HTR2C: variants seen among roughly 807,000 people sequenced by gnomAD.
HTR2C encodes 5-hydroxytryptamine (serotonin) receptor 2C, G protein-coupled.
In HTR2C, 5 loss-of-function variants were observed where a neutral mutation model predicts 21.0. The observed-to-expected ratio is 0.24, with a 90% CI of 0.12 to 0.50. The LOEUF is 0.50. HTR2C is among the 20% of genes least tolerant of loss of function. The pLI is 0.98. For missense variants in HTR2C, 271 were observed against 371.2 expected (o/e 0.73, Z 2.22); for synonymous variants, 150 against 145.3 (o/e 1.03, Z -0.23).
rs782399905 is a variant in HTR2C at position 114,815,953 on chromosome X, G to A, written c.350-32050G>A. Among the ~76,000 whole-genome samples, 93 of 109,881 alleles carry A rather than the reference G, an allele frequency of 8.5e-4. 1 individual carries two copies. Among genetic ancestry groups the A allele is most frequent in the Admixed American group, 2.9e-3 (29 of 10,116 alleles). On this transcript the variant is annotated intron_variant, in intron 4 of 5. Coordinates refer to ENST00000276198, the MANE Select transcript of HTR2C (RefSeq NM_000868.4). ...CATTACTGATCTCCTTGACATTTTC[G>A]ACAAATCTCTTGCTTCCTCCAAACT...
At chrX:114,654,305 CAT>C (rs1196854244) in intron 2 of HTR2C, among the ~76,000 whole-genome samples, 1 of 106,588 alleles carries the variant, frequency 9.4e-6, no homozygotes, top group Non-Finnish European at 1.9e-5. Flanking sequence ...ATATATATAA[CAT>C]ATATATCATA....
In HTR2C at chrX:114,820,179, T is replaced by A. The variant is rs184234524; in HGVS notation, c.350-27824T>A. Among the ~76,000 whole-genome samples, 563 of 109,815 alleles carry A rather than the reference T, an allele frequency of 5.1e-3. 3 individuals are homozygous for A. Among genetic ancestry groups the A allele is most frequent in the Middle Eastern group, 0.019 (4 of 211 alleles). The stretch of plus-strand genomic sequence containing the variant: ...GGCATAGGATTTTATTTTTAAATTT[T>A]AAAATTTTTAACTTTGTTTTCTTTG... On this transcript the variant is annotated intron_variant, in intron 4 of 5. Coordinates refer to ENST00000276198, the MANE Select transcript of HTR2C (RefSeq NM_000868.4).
At chrX:114,739,455 C>G (rs1285598033) in intron 4 of HTR2C, among the ~76,000 whole-genome samples, 3 of 111,491 alleles carry the variant, frequency 2.7e-5, no homozygotes. Context: ...ATGGAAAGGT[C>G]TATAGAATTA....
At chrX:114,707,280 G>A (rs191515069) in intron 2 of HTR2C, among the ~76,000 whole-genome samples, 2 of 111,207 alleles carry the variant, frequency 1.8e-5, no homozygotes, top group Admixed American at 1.9e-4. Context: ...ATCAGGCTGG[G>A]CATGGTGACA....
Position 114,792,838 on chromosome X carries a change from C to T in HTR2C, c.350-55165C>T, listed in dbSNP as rs782357408. 1.7e-4 allele frequency among the ~76,000 whole-genome samples: 19 copies of T among 111,578 alleles called. No individual in the cohort carries two copies. In the South Asian group the frequency reaches 5.2e-3, roughly 30 times the overall value. On this transcript the variant is annotated intron_variant, in intron 4 of 5. Coordinates refer to ENST00000276198, the MANE Select transcript of HTR2C (RefSeq NM_000868.4). Reference sequence around the variant, plus strand: ...ACTGGTGTGAGATGGTATCTCATTGCGGTTTTGATTTGCATTCCTCTAATG... The same window carrying T: ...ACTGGTGTGAGATGGTATCTCATTGTGGTTTTGATTTGCATTCCTCTAATG...
chrX:114,725,285 C>A (rs1175739440), intron 2 of HTR2C, among the ~76,000 whole-genome samples: 1 of 111,574 alleles, frequency 9.0e-6, no homozygotes, highest in Non-Finnish European at 1.9e-5. Context: ...ATCACTGATA[C>A]CCTTTCTTCC....
intron 5 of HTR2C, among the ~76,000 whole-genome samples, chrX:114,853,212 T>C (rs2070933573): frequency 8.9e-6 from 1 of 111,838 alleles, no homozygotes; most frequent in Non-Finnish European, 1.9e-5. Context: ...AAGTGTCCTT[T>C]TGCTCATTTT....
chrX:114,793,562 C>T (rs988721234), intron 4 of HTR2C, among the ~76,000 whole-genome samples: 3 of 111,522 alleles, frequency 2.7e-5, no homozygotes, highest in Non-Finnish European at 5.7e-5. Flanking sequence ...TTATCCTATT[C>T]CCACCCTCCT....
intron 5 of HTR2C, among the ~76,000 whole-genome samples, chrX:114,872,566 T>A (rs1556476877): frequency 9.0e-6 from 1 of 110,596 alleles, no homozygotes; most frequent in African/African-American, 3.3e-5. Context: ...ACTCATTAAT[T>A]ATTTTGAATT....
chrX:114,819,655 C>T (rs1202769667), intron 4 of HTR2C, among the ~76,000 whole-genome samples: 1 of 112,712 alleles, frequency 8.9e-6, no homozygotes, highest in East Asian at 2.8e-4. Context: ...CGTAAGCCAG[C>T]CAGAACCAGT....
intron 1 of HTR2C, among the ~76,000 whole-genome samples, chrX:114,608,375 C>T (rs1481702739): frequency 9.0e-6 from 1 of 110,721 alleles, no homozygotes; most frequent in Non-Finnish European, 1.9e-5. Context: ...TCCATCACCC[C>T]CCAAAGTAAT....
rs2070435180 is a variant in HTR2C at position 114,806,366 on chromosome X, C to CGTATATATACACACCATATATATATACT, written c.350-41627_350-41600dup. 4.1e-4 allele frequency among the ~76,000 whole-genome samples: 25 copies of CGTATATATACACACCATATATATATACT among 60,338 alleles called. 1 individual carries two copies. Among genetic ancestry groups the CGTATATATACACACCATATATATATACT allele is most frequent in the Non-Finnish European group, 5.0e-4 (17 of 34,156 alleles). 52.4% of individuals were successfully genotyped at this position (60,338 alleles called of 115,157 possible). The stretch of plus-strand genomic sequence containing the variant: ...ATATATATACACACCATATATATAC[C>CGTATATATACACACCATATATATATACT]GTATATATACACACCATATATATAT... On this transcript the variant is annotated intron_variant, in intron 4 of 5. Coordinates refer to ENST00000276198, the MANE Select transcript of HTR2C (RefSeq NM_000868.4).
Position 114,653,520 on chromosome X carries a change from T to C in HTR2C, c.-80+39639T>C, listed in dbSNP as rs148127627. Among the ~76,000 whole-genome samples, 13 of 110,594 alleles carry C rather than the reference T, an allele frequency of 1.2e-4. No homozygotes were observed. The East Asian group carries it at 3.7e-3, about 32-fold the overall frequency. ...ATTTATGCCTGTCTTGTAAGTGATA[T>C]GCAGATCACTTTGACTCTAAGCTAG... On this transcript the variant is annotated intron_variant, in intron 2 of 5. Coordinates refer to ENST00000276198, the MANE Select transcript of HTR2C (RefSeq NM_000868.4).
chrX:114,904,471 A>G (rs1400281601), intron 5 of HTR2C, among the ~76,000 whole-genome samples: 2 of 111,646 alleles, frequency 1.8e-5, no homozygotes, highest in African/African-American at 6.5e-5. Context: ...ATATAACCAC[A>G]ATATCAATAC....
chrX:114,848,811 G>C (rs782601289), intron 5 of HTR2C, among the ~76,000 whole-genome samples: 2 of 111,274 alleles, frequency 1.8e-5, no homozygotes, highest in Non-Finnish European at 3.8e-5. Flanking sequence ...GCAGTTTAAA[G>C]GGAAAGAAAT....
At chrX:114,688,576 A>G (rs1932001691) in intron 2 of HTR2C, among the ~76,000 whole-genome samples, 1 of 111,885 alleles carries the variant, frequency 8.9e-6, no homozygotes, top group South Asian at 3.7e-4. Context: ...TTAGAAAACT[A>G]TTTTATCATT....
Position 114,807,060 on chromosome X carries a change from CATATATATA to C in HTR2C, c.350-40942_350-40934del, listed in dbSNP as rs1244873378. On this transcript the variant is annotated intron_variant, in intron 4 of 5. Coordinates refer to ENST00000276198, the MANE Select transcript of HTR2C (RefSeq NM_000868.4). ...CACCATATATATACCATATATACAC[CATATATATA>C]CCATATATACACCATATATATACCC... Among the ~76,000 whole-genome samples the C allele has an allele frequency of 6.2e-4, 19 of 30,685 alleles. 4 individuals carry two copies. Among genetic ancestry groups the C allele is most frequent in the African/African-American group, 1.1e-3 (18 of 16,518 alleles). The allele number at this position is 30,685 out of a possible 115,157, so 26.6% of individuals were successfully genotyped here.
At chrX:114,836,669 C>T (rs1429136745) in intron 4 of HTR2C, among the ~76,000 whole-genome samples, 2 of 112,357 alleles carry the variant, frequency 1.8e-5, no homozygotes, top group African/African-American at 3.2e-5. Flanking sequence ...CCGTCTTCTG[C>T]ATCGCTCAGG....
At position 114,630,122 on chromosome X, in the gene HTR2C, A is replaced by G. The variant is rs200944426; in HGVS notation, c.-80+16241A>G. Among the ~76,000 whole-genome samples, 6 of 111,969 alleles carry G rather than the reference A, an allele frequency of 5.4e-5. No homozygotes were observed. The East Asian group carries it at 1.1e-3, about 21-fold the overall frequency. The stretch of plus-strand genomic sequence containing the variant: ...TGAGTTCCTTCCAGAGGCACAGGAA[A>G]GATGTATCATTGTCCTTCAAACAAT... On this transcript the variant is annotated intron_variant, in intron 2 of 5. Transcript: ENST00000276198.
Sources: gnomAD v4.1 joint callset for allele counts (sites outside exome capture counted in the v4.1 genomes callset) on GRCh38, gnomAD v4.1.1 for gene constraint, MANE v1.5 for transcripts, NCBI Gene and HGNC (gene_info 2026-07-23, HGNC 2026-07-21) for gene names.